Variants in CCDC91 observed in about 807,000 individuals in gnomAD.
The protein encoded by CCDC91 is coiled-coil domain-containing protein 91.
In CCDC91, 48 loss-of-function variants were observed where a neutral mutation model predicts 63.2. The ratio of observed to expected loss-of-function variants is 0.76; its 90% CI spans 0.60 to 0.97. The LOEUF (loss-of-function observed/expected upper bound fraction) is 0.97, where lower values mean the gene tolerates loss of function less well. Among genes scored for constraint, CCDC91 ranks in the 50% least tolerant of loss-of-function variants. CCDC91 has a pLI of 0.00. For missense variants in CCDC91, 500 were observed against 494.6 expected (o/e 1.01, Z -0.10); for synonymous variants, 167 against 165.8 (o/e 1.01, Z -0.06).
chr12:28,243,201 C>T (rs544734869), intron 1 of CCDC91, among the ~76,000 whole-genome samples: 38 of 152,246 alleles, frequency 2.5e-4, no homozygotes, highest in African/African-American at 8.4e-4. Context: ...CTGGGCAGTC[C>T]GTGCAGGGTA....
intron 3 of CCDC91, among the ~76,000 whole-genome samples, chr12:28,295,903 G>A (rs1398734946): frequency 6.6e-6 from 1 of 151,934 alleles, no homozygotes; most frequent in Non-Finnish European, 1.5e-5. Context: ...TTCACTCAGT[G>A]TGAGCAAGAG....
rs10709087 is a variant in CCDC91, at chr12:28,444,849, A to AT, written c.763-5301dup. Among the ~76,000 whole-genome samples the AT allele has an allele frequency of 3.8e-3, 580 of 151,026 alleles. 2 individuals carry two copies. The highest frequency in any genetic ancestry group is 6.8e-3 in the Middle Eastern group (2 of 292). On this transcript the variant is annotated intron_variant, in intron 8 of 12. Coordinates refer to ENST00000536442, the MANE Select transcript of CCDC91 (RefSeq NM_018318.5). Reference sequence around the variant, plus strand: ...CCTAAAATAAAAGTTTTTCTTAAAGATTTTTTTTTTTAAAAGCAGTTCCTT... The same window carrying AT: ...CCTAAAATAAAAGTTTTTCTTAAAGATTTTTTTTTTTTAAAAGCAGTTCCTT...
intron 8 of CCDC91, among the ~76,000 whole-genome samples, chr12:28,440,903 CA>C (rs1375685972): frequency 6.7e-6 from 1 of 149,602 alleles, no homozygotes; most frequent in Admixed American, 6.7e-5. Flanking sequence ...TACTAAAATA[CA>C]AAAATTAGCC....
intron 8 of CCDC91, among the ~76,000 whole-genome samples, chr12:28,433,425 T>A (rs1254215562): frequency 6.6e-6 from 1 of 152,002 alleles, no homozygotes; most frequent in Non-Finnish European, 1.5e-5. Context: ...GATATAGTTT[T>A]TTGCGTGTGG....
At chr12:28,534,177 A>G (rs1383421797) in intron 12 of CCDC91, among the ~76,000 whole-genome samples, 1 of 152,170 alleles carries the variant, frequency 6.6e-6, no homozygotes, top group African/African-American at 2.4e-5. Flanking sequence ...CAGACATAGA[A>G]CTTTTTGGTA....
At position 28,371,776 on chromosome 12, in the gene CCDC91, G is replaced by A. The variant is rs529324236; in HGVS notation, c.654+9261G>A. On this transcript the variant is annotated intron_variant, in intron 7 of 12. Transcript: ENST00000536442. ...TTGTATCTGCAGGTTTCACAGGGCC[G>A]GAGGCTTGAACAATCTCAGATTTTC... Among the ~76,000 whole-genome samples the A allele has an allele frequency of 3.9e-5, 6 of 152,236 alleles. No individual in the cohort carries two copies. In the East Asian group the frequency reaches 7.7e-4, roughly 20 times the overall value.
intron 1 of CCDC91, among the ~76,000 whole-genome samples, chr12:28,192,058 A>C (rs1941302623): frequency 6.6e-6 from 1 of 152,242 alleles, no homozygotes; most frequent in Admixed American, 6.5e-5. Context: ...GTAGCTTCTT[A>C]TTGGAGTGAT....
intron 6 of CCDC91, among the ~76,000 whole-genome samples, chr12:28,329,006 A>G (rs1270975305): frequency 6.6e-6 from 1 of 152,170 alleles, no homozygotes; most frequent in Non-Finnish European, 1.5e-5. Flanking sequence ...ATTGTAAACC[A>G]TTTACTTTCC....
At chr12:28,544,752 T>G (rs1325813844) in intron 12 of CCDC91, among the ~76,000 whole-genome samples, 1 of 152,094 alleles carries the variant, frequency 6.6e-6, no homozygotes, top group African/African-American at 2.4e-5. Flanking sequence ...TGTTGCACTT[T>G]AGACCAATGT....
At chr12:28,415,029 A>G (rs1171176079) in intron 8 of CCDC91, among the ~76,000 whole-genome samples, 1 of 152,184 alleles carries the variant, frequency 6.6e-6, no homozygotes, top group East Asian at 1.9e-4. Context: ...GAAAACACTT[A>G]TGCGGAGATA....
intron 7 of CCDC91, among the ~76,000 whole-genome samples, chr12:28,373,048 G>T (rs58023782): frequency 0.017 from 2,561 of 152,124 alleles, 78 homozygotes; most frequent in African/African-American, 0.058. Context: ...ATTATAAGTT[G>T]TATCTCCTAA....
At chr12:28,330,476 TA>T (rs1381448848) in intron 6 of CCDC91, among the ~76,000 whole-genome samples, 1 of 151,724 alleles carries the variant, frequency 6.6e-6, no homozygotes, top group Non-Finnish European at 1.5e-5. Context: ...TTTTTTTTTG[TA>T]AATTTGTTTG....
At position 28,519,847 on chromosome 12, in the gene CCDC91, G is replaced by A. The variant is rs567354894; in HGVS notation, c.1216-29216G>A. On this transcript the variant is annotated intron_variant, in intron 12 of 12. Coordinates refer to ENST00000536442, the MANE Select transcript of CCDC91 (RefSeq NM_018318.5). ...TGGTTTTCTGTCCTTGCGATAGTTT[G>A]CTGAGAATGATGGATACCAGCTTCA... is the stretch of plus-strand genomic sequence containing the variant. Among the ~76,000 whole-genome samples the A allele has an allele frequency of 2.6e-3, 395 of 151,328 alleles. 1 individual carries two copies. The highest frequency in any genetic ancestry group is 4.4e-3 in the South Asian group (21 of 4,774).
intron 12 of CCDC91, among the ~76,000 whole-genome samples, chr12:28,530,823 A>G (rs1436524790): frequency 6.6e-6 from 1 of 152,128 alleles, no homozygotes; most frequent in Non-Finnish European, 1.5e-5. Context: ...TTTAGGTCCA[A>G]TTAAATACCC....
At chr12:28,235,600 A>AG (rs1182826525) in intron 1 of CCDC91, among the ~76,000 whole-genome samples, 1 of 151,364 alleles carries the variant, frequency 6.6e-6, no homozygotes, top group Non-Finnish European at 1.5e-5. Context: ...GCATTAAAAA[A>AG]AAAAAAAGAC....
At chr12:28,345,689 C>T (rs552962562) in intron 6 of CCDC91, among the ~76,000 whole-genome samples, 4 of 151,900 alleles carry the variant, frequency 2.6e-5, no homozygotes, top group Non-Finnish European at 5.9e-5. Context: ...TTCTGGTGCC[C>T]CAACAGCAAT....
intron 1 of CCDC91, among the ~76,000 whole-genome samples, chr12:28,193,305 C>T (rs1941428280): frequency 6.6e-6 from 1 of 152,100 alleles, no homozygotes; most frequent in African/African-American, 2.4e-5. Context: ...CATGTTTAAC[C>T]TTAAAAGAAA....
At chr12:28,394,476 AC>A (rs933455097) in intron 8 of CCDC91, among the ~76,000 whole-genome samples, 2 of 150,814 alleles carry the variant, frequency 1.3e-5, no homozygotes, top group African/African-American at 4.9e-5. Context: ...AAACAAACAA[AC>A]AAAAAAAAAA....
At chr12:28,221,112 T>C (rs557225788) in intron 1 of CCDC91, among the ~76,000 whole-genome samples, 2 of 152,244 alleles carry the variant, frequency 1.3e-5, no homozygotes, top group African/African-American at 4.8e-5. Context: ...TTTTCCTCTC[T>C]GTACTTTATT....
Sources: allele counts gnomAD v4.1 joint callset (sites outside exome capture counted in the v4.1 genomes callset), GRCh38; gene constraint gnomAD v4.1.1; transcripts MANE v1.5; gene names NCBI Gene and HGNC (gene_info 2026-07-23, HGNC 2026-07-21).